Variants in NRG1 observed in about 807,000 individuals in gnomAD.
NRG1 encodes the protein pro-neuregulin-1, membrane-bound isoform.
A neutral mutation model predicts 63.8 loss-of-function variants in NRG1; 18 were observed. The observed-to-expected ratio is 0.28, with a 90% CI of 0.19 to 0.42. The LOEUF is 0.42. NRG1 is among the 10% of genes least tolerant of loss of function. The pLI, the probability that NRG1 is intolerant of heterozygous loss-of-function variation, is 1.00. For missense variants in NRG1, 762 were observed against 814.7 expected (o/e 0.94, Z 0.79); for synonymous variants, 302 against 301.3 (o/e 1.00, Z -0.02).
intron 1 of NRG1, among the ~76,000 whole-genome samples, chr8:32,426,333 G>A (rs1587579261): frequency 1.3e-5 from 2 of 152,098 alleles, no homozygotes; most frequent in African/African-American, 4.8e-5. Flanking sequence ...ACAGATGTGT[G>A]CATTTTTATG....
intron 1 of NRG1, among the ~76,000 whole-genome samples, chr8:32,420,541 CTT>C (rs770162839): frequency 6.9e-6 from 1 of 144,192 alleles, no homozygotes; most frequent in African/African-American, 2.5e-5. Flanking sequence ...CTCTCTCTCT[CTT>C]TTTTTTTTTT....
At chr8:32,110,648 C>T (rs1171313315) in intron 1 of NRG1, among the ~76,000 whole-genome samples, 2 of 152,148 alleles carry the variant, frequency 1.3e-5, no homozygotes, top group Admixed American at 6.5e-5. Flanking sequence ...AATAGGGTCT[C>T]CTTGGTTTAT....
intron 1 of NRG1, among the ~76,000 whole-genome samples, chr8:31,891,120 A>G (rs1199294106): frequency 6.6e-6 from 1 of 152,206 alleles, no homozygotes; most frequent in African/African-American, 2.4e-5. Flanking sequence ...TGATACTGAG[A>G]TCACAACTTA....
chr8:32,298,387 G>A (rs1444370497), intron 1 of NRG1, among the ~76,000 whole-genome samples: 1 of 152,102 alleles, frequency 6.6e-6, no homozygotes, highest in Non-Finnish European at 1.5e-5. Flanking sequence ...AACTAACATG[G>A]CAAAGGCTTT....
At chr8:32,179,567 T>C (rs1041816869) in intron 1 of NRG1, among the ~76,000 whole-genome samples, 1 of 152,228 alleles carries the variant, frequency 6.6e-6, no homozygotes, top group Non-Finnish European at 1.5e-5. Context: ...TTAGGTACCT[T>C]GCTTCAATTC....
intron 1 of NRG1, among the ~76,000 whole-genome samples, chr8:32,009,334 T>G (rs1814348174): frequency 1.3e-5 from 2 of 152,030 alleles, no homozygotes; most frequent in African/African-American, 4.8e-5. Flanking sequence ...CATTCCCAGT[T>G]GTATACACAA....
chr8:32,642,245 G>C (rs1852558142), intron 5 of NRG1, among the ~76,000 whole-genome samples: 1 of 152,190 alleles, frequency 6.6e-6, no homozygotes, highest in South Asian at 2.1e-4. Flanking sequence ...CCAATCCAAA[G>C]TAAAACCAAA....
chr8:32,259,692 T>C (rs1269143885), intron 1 of NRG1, among the ~76,000 whole-genome samples: 1 of 152,196 alleles, frequency 6.6e-6, no homozygotes, highest in African/African-American at 2.4e-5. Flanking sequence ...TGTCTGAACA[T>C]CAGGGAAATG....
At chr8:32,504,541 T>C (rs138230200) in intron 1 of NRG1, among the ~76,000 whole-genome samples, 1,776 of 152,290 alleles carry the variant, frequency 0.012, 30 homozygotes, top group African/African-American at 0.041. Flanking sequence ...AAATGTCACA[T>C]AGGTACAACG....
intron 1 of NRG1, among the ~76,000 whole-genome samples, chr8:31,745,277 A>G (rs1486185256): frequency 2.6e-5 from 4 of 151,928 alleles, no homozygotes; most frequent in Non-Finnish European, 4.4e-5. Context: ...CGACACAGGG[A>G]ACGGCCTGCG....
At chr8:31,909,436 C>T (rs1211194637) in intron 1 of NRG1, among the ~76,000 whole-genome samples, 1 of 152,006 alleles carries the variant, frequency 6.6e-6, no homozygotes, top group African/African-American at 2.4e-5. Flanking sequence ...CATGCTGATG[C>T]ATGGAAGACT....
In NRG1 at chr8:32,751,486, GA is replaced by G. The variant is rs1201255048; in HGVS notation, c.692-2880del. On this transcript the variant is annotated intron_variant, in intron 7 of 11. Transcript: ENST00000356819. ...CACATAAGAAAAAAATTAATATGGG[GA>G]AAAAAGAGGTTAAAGAATCCATTGT... 3.9e-5 allele frequency among the ~76,000 whole-genome samples: 6 copies of G among 151,966 alleles called. No individual in the cohort carries two copies. The East Asian group carries it at 7.7e-4, about 20-fold the overall frequency.
chr8:31,785,558 T>C (rs1339881504), intron 1 of NRG1, among the ~76,000 whole-genome samples: 1 of 152,212 alleles, frequency 6.6e-6, no homozygotes, highest in Non-Finnish European at 1.5e-5. Flanking sequence ...AAGCATGATT[T>C]GAAAGAGATC....
intron 1 of NRG1, among the ~76,000 whole-genome samples, chr8:32,275,865 T>A (rs1852048330): frequency 6.6e-6 from 1 of 152,172 alleles, no homozygotes; most frequent in Non-Finnish European, 1.5e-5. Context: ...GATGAAGGCC[T>A]TCTTGCCCAC....
At chr8:32,720,528 A>C (rs75722333) in intron 5 of NRG1, among the ~76,000 whole-genome samples, 9 of 152,296 alleles carry the variant, frequency 5.9e-5, no homozygotes, top group Admixed American at 2.0e-4. Flanking sequence ...TTTTATACTC[A>C]TATAAAACTG....
intron 1 of NRG1, chr8:32,440,727 CTG>C (rs1587669995): frequency 6.6e-6 from 1 of 152,254 alleles, no homozygotes; most frequent in East Asian, 1.9e-4. Flanking sequence ...CTCATCAAGA[CTG>C]TGACTCAGTG....
At position 31,852,007 on chromosome 8, in the gene NRG1, A is replaced by G. The variant is rs528320147; in HGVS notation, c.37+212576A>G. Among the ~76,000 whole-genome samples the G allele has an allele frequency of 3.8e-3, 558 of 148,760 alleles. 1 individual carries two copies. The highest frequency in any genetic ancestry group is 0.024 in the Middle Eastern group (7 of 288). On this transcript the variant is annotated intron_variant, in intron 1 of 10. Coordinates refer to the NRG1 transcript ENST00000519301. ...CCACATTTTCTTAATCCAGTCTATC[A>G]TTGTTGGACATTTGGGTTGGTTCCA...
At chr8:32,250,359 G>T (rs1355194234) in intron 1 of NRG1, among the ~76,000 whole-genome samples, 6 of 152,116 alleles carry the variant, frequency 3.9e-5, no homozygotes, top group Non-Finnish European at 7.4e-5. Context: ...TATTTGATGA[G>T]AAGCAAGAAC....
intron 1 of NRG1, among the ~76,000 whole-genome samples, chr8:32,038,243 C>T (rs1216900547): frequency 6.6e-6 from 1 of 152,108 alleles, no homozygotes; most frequent in Non-Finnish European, 1.5e-5. Flanking sequence ...GCACCTTTTG[C>T]CGCACGCAGG....
Sources: allele counts gnomAD v4.1 joint callset (sites outside exome capture counted in the v4.1 genomes callset), GRCh38; gene constraint gnomAD v4.1.1; transcripts MANE v1.5; gene names NCBI Gene and HGNC (gene_info 2026-07-23, HGNC 2026-07-21).